DPP10: variants seen among roughly 807,000 people sequenced by gnomAD.
DPP10 encodes the protein inactive dipeptidyl peptidase 10.
A neutral mutation model predicts 120.9 loss-of-function variants in DPP10; 33 were observed. The ratio of observed to expected loss-of-function variants is 0.27; its 90% CI spans 0.21 to 0.37. The LOEUF (loss-of-function observed/expected upper bound fraction) is 0.37. Ranked by LOEUF, DPP10 falls within the 10% of genes least tolerant of loss-of-function variation. The pLI is 1.00. For synonymous variants in DPP10, 337 were observed against 326.1 expected (o/e 1.03, Z -0.36); for missense variants, 816 against 942.8 (o/e 0.87, Z 1.76).
intron 3 of DPP10, among the ~76,000 whole-genome samples, chr2:115,352,036 C>G (rs1027630532): frequency 4.0e-5 from 6 of 151,772 alleles, no homozygotes; most frequent in African/African-American, 1.5e-4. Context: ...AATACTTAAA[C>G]TAAACACCAA....
In DPP10 at chr2:115,128,968, G is replaced by A. The variant is rs185160592; in HGVS notation, c.61-180271G>A. 4.6e-5 allele frequency among the ~76,000 whole-genome samples: 7 copies of A among 152,278 alleles called. No homozygotes were observed. In the East Asian group the frequency reaches 1.2e-3, roughly 25 times the overall value. On this transcript the variant is annotated intron_variant, in intron 1 of 25. Transcript: ENST00000410059. Reference sequence around the variant, plus strand: ...ACATTGTCCATTGGCTAAGATACCGGAGCAGTTCAAGGGGACAGTCATCCC... The same window carrying A: ...ACATTGTCCATTGGCTAAGATACCGAAGCAGTTCAAGGGGACAGTCATCCC...
intron 1 of DPP10, among the ~76,000 whole-genome samples, chr2:115,098,639 C>T (rs1350235010): frequency 6.6e-6 from 1 of 151,936 alleles, no homozygotes; most frequent in African/African-American, 2.4e-5. Context: ...ATAGGCGGCC[C>T]ATCATTTATC....
intron 1 of DPP10, among the ~76,000 whole-genome samples, chr2:114,959,733 A>C (rs1031519099): frequency 1.3e-5 from 2 of 152,116 alleles, no homozygotes; most frequent in African/African-American, 4.8e-5. Flanking sequence ...AGCACTTGCT[A>C]TTCTCTCTCT....
intron 4 of DPP10, among the ~76,000 whole-genome samples, chr2:115,500,861 A>G (rs76156617): frequency 0.025 from 3,852 of 151,998 alleles, 180 homozygotes; most frequent in African/African-American, 0.087. Context: ...AGTGTTTACT[A>G]TTTCTTCAGT....
chr2:114,751,093 G>C (rs1218501988), intron 1 of DPP10, among the ~76,000 whole-genome samples: 1 of 152,190 alleles, frequency 6.6e-6, no homozygotes, highest in Non-Finnish European at 1.5e-5. Flanking sequence ...CCAAGATAGG[G>C]ACAAGTCGTT....
At chr2:115,171,369 AAAAAAGAAAAGAAAAG>A (rs1242664510) in intron 1 of DPP10, among the ~76,000 whole-genome samples, 2 of 150,236 alleles carry the variant, frequency 1.3e-5, no homozygotes, top group Non-Finnish European at 2.9e-5. Flanking sequence ...AAAAAAAAAA[AAAAAAGAAAAGAAAAG>A]AAAAGAAAAG....
intron 1 of DPP10, among the ~76,000 whole-genome samples, chr2:114,543,543 T>C (rs1038401776): frequency 6.6e-6 from 1 of 152,186 alleles, no homozygotes; most frequent in Admixed American, 6.5e-5. Flanking sequence ...AAAGCCATAC[T>C]TTTTTTGCTG....
At chr2:115,052,025 T>C (rs1370506903) in intron 1 of DPP10, among the ~76,000 whole-genome samples, 1 of 152,182 alleles carries the variant, frequency 6.6e-6, no homozygotes, top group Non-Finnish European at 1.5e-5. Context: ...AAATAAATCC[T>C]AGTACTTATG....
chr2:115,585,354 A>G (rs897188599), intron 5 of DPP10, among the ~76,000 whole-genome samples: 1 of 152,228 alleles, frequency 6.6e-6, no homozygotes, highest in African/African-American at 2.4e-5. Flanking sequence ...TGTTGAAGAC[A>G]TATAATAGAA....
At chr2:115,047,844 GA>G (rs773785673) in intron 1 of DPP10, among the ~76,000 whole-genome samples, 2 of 151,966 alleles carry the variant, frequency 1.3e-5, no homozygotes, top group Non-Finnish European at 2.9e-5. Flanking sequence ...TCTTTCTTTT[GA>G]AACTGCTTTT....
chr2:114,471,738 A>G (rs1378377084), intron 1 of DPP10, among the ~76,000 whole-genome samples: 1 of 152,182 alleles, frequency 6.6e-6, no homozygotes, highest in Non-Finnish European at 1.5e-5. Context: ...GTCTCACACA[A>G]CACATCTGTT....
At chr2:115,553,821 GT>G (rs566910388) in intron 5 of DPP10, among the ~76,000 whole-genome samples, 19 of 147,098 alleles carry the variant, frequency 1.3e-4, no homozygotes, top group Admixed American at 2.7e-4. Flanking sequence ...TATGCTGAGG[GT>G]TTTTTTTTTC....
chr2:115,812,961 ATCTTTTT>A (rs1342901033), intron 19 of DPP10, among the ~76,000 whole-genome samples: 1 of 119,792 alleles, frequency 8.3e-6, no homozygotes, highest in East Asian at 2.9e-4. Context: ...CTGACTGGAT[ATCTTTTT>A]TTTTTTTTTT....
intron 1 of DPP10, among the ~76,000 whole-genome samples, chr2:114,692,727 G>A (rs1699841442): frequency 6.6e-6 from 1 of 151,976 alleles, no homozygotes; most frequent in South Asian, 2.1e-4. Flanking sequence ...TCTCTTTTTA[G>A]GTCTCTAAGC....
chr2:114,762,211 G>A (rs1473650153), intron 1 of DPP10, among the ~76,000 whole-genome samples: 1 of 152,220 alleles, frequency 6.6e-6, no homozygotes, highest in Non-Finnish European at 1.5e-5. Context: ...CTCTTAAAGA[G>A]CAGCTCTGGA....
At chr2:115,590,999 A>G (rs866457749) in intron 5 of DPP10, among the ~76,000 whole-genome samples, 2 of 152,096 alleles carry the variant, frequency 1.3e-5, no homozygotes, top group Non-Finnish European at 2.9e-5. Context: ...TCCTTTGCCC[A>G]CTTCTTGATG....
At chr2:115,779,822 C>G (rs1575755355) in intron 15 of DPP10, among the ~76,000 whole-genome samples, 2 of 146,338 alleles carry the variant, frequency 1.4e-5, no homozygotes, top group African/African-American at 4.9e-5. Flanking sequence ...TATAAGTTAT[C>G]ATGAGTGAAA....
At chr2:114,937,476 C>A (rs1696570510) in intron 1 of DPP10, among the ~76,000 whole-genome samples, 1 of 152,160 alleles carries the variant, frequency 6.6e-6, no homozygotes, top group Non-Finnish European at 1.5e-5. Flanking sequence ...TCATCAGGGC[C>A]AGACTCGCTG....
intron 5 of DPP10, among the ~76,000 whole-genome samples, chr2:115,541,111 A>T (rs1243772444): frequency 1.3e-5 from 2 of 151,940 alleles, no homozygotes; most frequent in Admixed American, 1.3e-4. Flanking sequence ...TTTATGTAGA[A>T]TATAAATTTA....
Sources: gnomAD v4.1 joint callset for allele counts (sites outside exome capture counted in the v4.1 genomes callset) on GRCh38, gnomAD v4.1.1 for gene constraint, MANE v1.5 for transcripts, NCBI Gene and HGNC (gene_info 2026-07-23, HGNC 2026-07-21) for gene names.